Variants in DET1 observed in about 807,000 individuals in gnomAD.
DET1 encodes the protein DET1 partner of COP1 E3 ubiquitin ligase.
DET1 carries 22 observed loss-of-function variants against 43.7 expected under a neutral mutation model. The observed-to-expected ratio is 0.50, with a 90% confidence interval of 0.36 to 0.72. DET1 has a LOEUF of 0.72. DET1 is among the 30% of genes least tolerant of loss of function. DET1 has a pLI of 0.00. For synonymous variants in DET1, 315 were observed against 266.2 expected (o/e 1.18, Z -1.79); for missense variants, 713 against 713.3 (o/e 1.00, Z 0.00).
intron 1 of DET1, among the ~76,000 whole-genome samples, chr15:88,542,533 G>A (rs896192825): frequency 6.6e-6 from 1 of 152,128 alleles, no homozygotes; most frequent in Admixed American, 6.5e-5. Context: ...GGCATTTGAG[G>A]CTCAGGCAGC....
intron 2 of DET1, among the ~76,000 whole-genome samples, chr15:88,528,127 A>T (rs2056716062): frequency 6.6e-6 from 1 of 152,120 alleles, no homozygotes; most frequent in Admixed American, 6.6e-5. Flanking sequence ...CAAATTCAAT[A>T]TTTTTCCTTC....
chr15:88,519,435 T>TA (rs1176955961), intron 3 of DET1, among the ~76,000 whole-genome samples: 1 of 152,050 alleles, frequency 6.6e-6, no homozygotes, highest in African/African-American at 2.4e-5. Context: ...ACCTCACCAT[T>TA]ACCAACGACT....
Position 88,512,738 on chromosome 15 carries a change from G to C in DET1, c.*213C>G, listed in dbSNP as rs1031168650. 1 of 1,283,624 alleles carries C rather than the reference G, an allele frequency of 7.8e-7. No individual in the cohort carries two copies. The highest frequency in any genetic ancestry group is 9.8e-7 in the Non-Finnish European group (1 of 1,017,568). The allele number at this position is 1,283,624 out of a possible 1,614,324, so 79.5% of individuals were successfully genotyped here. Reference sequence around the variant, plus strand: ...GCATTCCCACAGGGAAAACGCAAGAGGATATTATAACAATCAGTAGCAGTA... The same window carrying C: ...GCATTCCCACAGGGAAAACGCAAGACGATATTATAACAATCAGTAGCAGTA... On this transcript the variant is annotated 3_prime_UTR_variant, in exon 5 of 5. Transcript: ENST00000268148.
intron 4 of DET1, among the ~76,000 whole-genome samples, chr15:88,514,333 A>G (rs1241232628): frequency 6.6e-6 from 1 of 152,182 alleles, no homozygotes; most frequent in Non-Finnish European, 1.5e-5. Flanking sequence ...ATTCCAGAAA[A>G]TAAAAAGCCC....
chr15:88,512,996 A>G lies in DET1; in HGVS notation c.1608T>C (p.Asn536=), dbSNP rs1403146322. The G allele has an allele frequency of 1.2e-6, 2 of 1,614,082 alleles. No homozygotes were observed. The highest frequency in any genetic ancestry group is 2.2e-5 in the East Asian group (1 of 44,890). The change falls in exon 5 of 5, where the codon AAT becomes AAC. Residue 536 remains asparagine (N), a synonymous_variant. Coordinates refer to ENST00000268148, the MANE Select transcript of DET1 (RefSeq NM_001144074.3). ...TATGGAAGTTGACAACATACTCAGC[A>G]TTAGTCCTCTGCACAGAAATAGCGA... ...EPFAISVQRT[N]AEYVVNFHMR...
intron 3 of DET1, among the ~76,000 whole-genome samples, chr15:88,524,708 G>A (rs1219411681): frequency 6.6e-6 from 1 of 152,078 alleles, no homozygotes; most frequent in East Asian, 1.9e-4. Context: ...ATGGATTAAG[G>A]GCGGTGCAAG....
At chr15:88,502,546 C>T (rs1207253953) in intron 8 of DET1, 1 of 152,240 alleles carries the variant, frequency 6.6e-6, no homozygotes, top group Admixed American at 6.5e-5. Flanking sequence ...AGCCTTCGAG[C>T]TCCACTTCTG....
intron 1 of DET1, among the ~76,000 whole-genome samples, chr15:88,542,419 C>T (rs563271555): frequency 5.3e-5 from 8 of 152,112 alleles, no homozygotes; most frequent in Non-Finnish European, 1.2e-4. Flanking sequence ...TGTCCAGGGG[C>T]CTGATGAGTC....
chr15:88,515,638 A>C (rs1200726460), intron 4 of DET1, among the ~76,000 whole-genome samples: 1 of 151,930 alleles, frequency 6.6e-6, no homozygotes, highest in Non-Finnish European at 1.5e-5. Flanking sequence ...CTATAAAAAG[A>C]ATATTTATAA....
chr15:88,523,606 G>T (rs1453833891), intron 3 of DET1, among the ~76,000 whole-genome samples: 1 of 152,172 alleles, frequency 6.6e-6, no homozygotes, highest in Admixed American at 6.5e-5. Context: ...CGCCTGACTG[G>T]TTTTTGTATT....
intron 1 of DET1, among the ~76,000 whole-genome samples, chr15:88,545,156 T>A (rs560584404): frequency 5.3e-5 from 8 of 152,066 alleles, no homozygotes; most frequent in East Asian, 3.9e-4. Flanking sequence ...GTGCTTCTCA[T>A]CCTAAATTAT....
chr15:88,527,200 C>T (rs537795819), intron 3 of DET1, among the ~76,000 whole-genome samples: 17 of 152,260 alleles, frequency 1.1e-4, no homozygotes, highest in African/African-American at 3.1e-4. Context: ...ACCTCTTATT[C>T]CTTTATTGTC....
chr15:88,539,448 T>TAAAA (rs34945813), intron 1 of DET1, among the ~76,000 whole-genome samples: 3 of 96,482 alleles, frequency 3.1e-5, no homozygotes, highest in Admixed American at 1.2e-4. Flanking sequence ...CTTGTCTGTC[T>TAAAA]AAAAAAAAAA....
chr15:88,513,475 T>A (rs1333308607), intron 4 of DET1, among the ~76,000 whole-genome samples: 1 of 152,028 alleles, frequency 6.6e-6, no homozygotes, highest in Non-Finnish European at 1.5e-5. Flanking sequence ...AAAAATGAAA[T>A]GCAAGCCACG....
At chr15:88,536,770 C>CAAAAAAAAAAAAAAAAAAAAAAAAA (rs58177778) in intron 1 of DET1, among the ~76,000 whole-genome samples, 1 of 48,080 alleles carries the variant, frequency 2.1e-5, no homozygotes, top group African/African-American at 8.7e-5. Flanking sequence ...GACTCCATCT[C>CAAAAAAAAAAAAAAAAAAAAAAAAA]AAAAAAAAAA....
Position 88,513,948 on chromosome 15 carries a change from C to T in DET1, c.1464-808G>A, listed in dbSNP as rs897866968. Among the ~76,000 whole-genome samples, 8 of 149,800 alleles carry T rather than the reference C, an allele frequency of 5.3e-5. 1 individual carries two copies. The highest frequency in any genetic ancestry group is 7.4e-5 in the African/African-American group (3 of 40,446). On this transcript the variant is annotated intron_variant, in intron 4 of 4. Transcript: ENST00000268148. ...CCGAGTAGCTGGGACTACAGGCGCC[C>T]GCTACCACGCCCGGCTAATTTTTTG...
At chr15:88,510,954 A>T (rs553063560), downstream of DET1, among the ~76,000 whole-genome samples, 1 of 151,808 alleles carries the variant, frequency 6.6e-6, no homozygotes, top group South Asian at 2.1e-4. Flanking sequence ...TTTTATTTAT[A>T]GTAGAGACAG....
chr15:88,528,929 C>T lies in DET1; in HGVS notation c.1084-1143G>A, dbSNP rs148751378. ...CTGAGAATAGTACTCATAATATTAC[C>T]GAGGCCTTGTGTTTGGATGTACTTT... On this transcript the variant is annotated intron_variant, in intron 2 of 4. Transcript: ENST00000268148. Among the ~76,000 whole-genome samples the T allele has an allele frequency of 3.7e-3, 561 of 152,172 alleles. 3 individuals carry two copies. The highest frequency in any genetic ancestry group is 0.013 in the African/African-American group (544 of 41,504).
chr15:88,537,166 G>A (rs143194091), intron 1 of DET1, among the ~76,000 whole-genome samples: 151 of 152,176 alleles, frequency 9.9e-4, no homozygotes, highest in African/African-American at 3.5e-3. Context: ...ATAGTATTAC[G>A]GACATTTTAA....
Sources: gnomAD v4.1 joint callset for allele counts (sites outside exome capture counted in the v4.1 genomes callset) on GRCh38, gnomAD v4.1.1 for gene constraint, MANE v1.5 for transcripts, NCBI Gene and HGNC (gene_info 2026-07-23, HGNC 2026-07-21) for gene names.